Variants in MME observed in about 807,000 individuals in gnomAD.
MME encodes the protein neprilysin.
Under a neutral mutation model 113.2 loss-of-function variants are expected in MME, and 98 were observed. The ratio of observed to expected loss-of-function variants is 0.87; its 90% CI spans 0.74 to 1.02. The LOEUF is 1.02. Ranked by LOEUF, MME falls within the 50% of genes least tolerant of loss-of-function variation. The pLI is 0.00. For synonymous variants in MME, 292 were observed against 300.6 expected, an observed-to-expected ratio of 0.97 and a Z score of 0.30; for missense variants, 836 against 896.0, an observed-to-expected ratio of 0.93 and a Z score of 0.86.
chr3:155,036,656 C>T lies in MME; in HGVS notation c.-11+12332C>T, dbSNP rs1439457823. Reference sequence around the variant, plus strand: ...TGAGTTGTAAGAGTTCTTTCTATATCCTGATATTACTCCCTTGTCAAATAA... The same window carrying T: ...TGAGTTGTAAGAGTTCTTTCTATATTCTGATATTACTCCCTTGTCAAATAA... On this transcript the variant is annotated intron_variant, in intron 1 of 22. Coordinates refer to the MME transcript ENST00000492661. 2.0e-5 allele frequency among the ~76,000 whole-genome samples: 3 copies of T among 151,910 alleles called. No individual in the cohort carries two copies. The East Asian group carries it at 5.8e-4, about 29-fold the overall frequency.
intron 3 of MME, among the ~76,000 whole-genome samples, chr3:155,102,960 G>A (rs1311330368): frequency 2.0e-5 from 3 of 152,102 alleles, no homozygotes; most frequent in African/African-American, 7.2e-5. Context: ...TGTCAAAAAC[G>A]TCACCTACTT....
intron 8 of MME, among the ~76,000 whole-genome samples, chr3:155,119,240 C>T (rs537702387): frequency 6.6e-6 from 1 of 152,174 alleles, no homozygotes; most frequent in African/African-American, 2.4e-5. Flanking sequence ...TGTCAGAGAA[C>T]TATGCAGGTA....
chr3:155,140,320 T>TA, intron 10 of MME, 28 bp downstream of exon 10: 1 of 1,397,284 alleles, frequency 7.2e-7, no homozygotes, highest in Non-Finnish European at 1.0e-6. Flanking sequence ...TGTGCTCTCT[T>TA]ATTGTGCCGT....
intron 22 of MME, among the ~76,000 whole-genome samples, chr3:155,178,890 G>A (rs751151157): frequency 5.9e-5 from 9 of 152,120 alleles, no homozygotes; most frequent in Non-Finnish European, 1.0e-4. Context: ...ATGTTCAGCC[G>A]CATTTGGTTG....
intron 3 of MME, among the ~76,000 whole-genome samples, chr3:155,104,860 T>C (rs2108225757): frequency 6.6e-6 from 1 of 152,356 alleles, no homozygotes; most frequent in South Asian, 2.1e-4. Context: ...AAGTGATATA[T>C]TGTATTTAAA....
chr3:155,178,324 G>T (rs1712760300), intron 22 of MME, among the ~76,000 whole-genome samples: 1 of 152,118 alleles, frequency 6.6e-6, no homozygotes, highest in Admixed American at 6.5e-5. Flanking sequence ...GTTAGTTGAT[G>T]CGTTGATGGG....
intron 8 of MME, among the ~76,000 whole-genome samples, chr3:155,127,007 C>CAA (rs781764437): frequency 1.1e-4 from 7 of 65,074 alleles, no homozygotes; most frequent in East Asian, 9.7e-4. Context: ...AACTCCATCT[C>CAA]AAAAAAAAAA....
At chr3:155,037,423 C>T (rs1234291237) in intron 1 of MME, among the ~76,000 whole-genome samples, 1 of 152,096 alleles carries the variant, frequency 6.6e-6, no homozygotes, top group Non-Finnish European at 1.5e-5. Flanking sequence ...GGAAGAGACA[C>T]AAAATGGTGG....
intron 1 of MME, among the ~76,000 whole-genome samples, chr3:155,025,212 G>A (rs563391004): frequency 2.3e-4 from 35 of 152,280 alleles, no homozygotes; most frequent in Non-Finnish European, 4.4e-4. Context: ...CTATATGCCT[G>A]CCAATGGGGA....
At chr3:155,108,459 G>T (rs1717880749) in intron 3 of MME, among the ~76,000 whole-genome samples, 1 of 152,070 alleles carries the variant, frequency 6.6e-6, no homozygotes, top group Non-Finnish European at 1.5e-5. Flanking sequence ...AGCCAAGCAT[G>T]GTGGCGGGTG....
chr3:155,130,463 G>A (rs902617708), intron 8 of MME, among the ~76,000 whole-genome samples: 2 of 152,142 alleles, frequency 1.3e-5, no homozygotes, highest in Non-Finnish European at 2.9e-5. Flanking sequence ...CATGGCTAGG[G>A]AGAAGAAGCC....
chr3:155,076,657 A>G (rs1396897445), upstream of MME, among the ~76,000 whole-genome samples: 2 of 152,260 alleles, frequency 1.3e-5, no homozygotes, highest in Non-Finnish European at 2.9e-5. Flanking sequence ...CTATAGGCAC[A>G]GCAGCAGCAT....
At chr3:155,040,019 A>G (rs1482878420) in intron 1 of MME, among the ~76,000 whole-genome samples, 1 of 152,202 alleles carries the variant, frequency 6.6e-6, no homozygotes, top group Non-Finnish European at 1.5e-5. Flanking sequence ...AAACTCTGCT[A>G]TACTGAGAGA....
At chr3:155,168,270 G>C (rs1180589317) in intron 18 of MME, among the ~76,000 whole-genome samples, 2 of 152,156 alleles carry the variant, frequency 1.3e-5, no homozygotes, top group East Asian at 3.9e-4. Context: ...AGCCAAATGG[G>C]TGAAATGTCT....
Position 155,115,098 on chromosome 3 carries a change from A to G in MME, c.301A>G (p.Ser101Gly), listed in dbSNP as rs753891372. ...GAAACGTAATGTCATTCCCGAGACC[A>G]GCTCCCGTTACGGCAACTTTGACAT... ...WLKRNVIPET[S>G]SRYGNFDILR... Residue 101 changes from serine (S) to glycine (G), a missense_variant, in exon 4 of 23, where the codon AGC becomes GGC. By Grantham distance (56) the Ser-to-Gly change is moderately conservative. Coordinates refer to ENST00000360490, the MANE Select transcript of MME (RefSeq NM_007289.4). The G allele has an allele frequency of 3.1e-6, 5 of 1,614,190 alleles. No individual in the cohort carries two copies. Among genetic ancestry groups the G allele is most frequent in the Non-Finnish European group, 3.4e-6 (4 of 1,180,018 alleles).
chr3:155,175,850 G>C (rs1353437637), intron 22 of MME, among the ~76,000 whole-genome samples: 1 of 151,902 alleles, frequency 6.6e-6, no homozygotes, highest in Non-Finnish European at 1.5e-5. Flanking sequence ...AAATTCTTCT[G>C]TTTCTTCCAT....
intron 16 of MME, among the ~76,000 whole-genome samples, chr3:155,151,655 C>G (rs1338712317): frequency 6.6e-6 from 1 of 152,088 alleles, no homozygotes; most frequent in African/African-American, 2.4e-5. Context: ...TTCTAAAAAC[C>G]TCCATTTTAC....
upstream of MME, among the ~76,000 whole-genome samples, chr3:155,075,990 A>G (rs926096568): frequency 6.6e-6 from 1 of 152,190 alleles, no homozygotes; most frequent in Non-Finnish European, 1.5e-5. Context: ...TCTTTCTCAC[A>G]TATCAGATCT....
At chr3:155,175,517 T>G (rs1477543965) in intron 22 of MME, among the ~76,000 whole-genome samples, 1 of 151,858 alleles carries the variant, frequency 6.6e-6, no homozygotes, top group Non-Finnish European at 1.5e-5. Context: ...TTATAATATT[T>G]ATATGTAATC....
Sources: gnomAD v4.1 joint callset for allele counts (sites outside exome capture counted in the v4.1 genomes callset) on GRCh38, gnomAD v4.1.1 for gene constraint, MANE v1.5 for transcripts, NCBI Gene and HGNC (gene_info 2026-07-23, HGNC 2026-07-21) for gene names.